CAST: variants seen among roughly 807,000 people sequenced by gnomAD.
CAST encodes the protein MIR583 host.
In CAST, 76 loss-of-function variants were observed where a neutral mutation model predicts 119.6. The ratio of observed to expected loss-of-function variants is 0.64; its 90% CI spans 0.53 to 0.77. The LOEUF (loss-of-function observed/expected upper bound fraction) is 0.77. CAST is among the 30% of genes least tolerant of loss of function. The pLI is 0.00. For synonymous variants in CAST, 319 were observed against 331.6 expected, an observed-to-expected ratio of 0.96 and a Z score of 0.41; for missense variants, 953 against 946.5, an observed-to-expected ratio of 1.01 and a Z score of -0.09.
At chr5:96,590,041 G>A (rs531848160) in intron 1 of CAST, among the ~76,000 whole-genome samples, 3 of 152,144 alleles carry the variant, frequency 2.0e-5, no homozygotes, top group African/African-American at 7.2e-5. Flanking sequence ...TTTGAAACAG[G>A]CTGTTTTATA....
the CAST span, among the ~76,000 whole-genome samples, chr5:96,171,927 C>T: frequency 2.0e-5 from 3 of 152,210 alleles, no homozygotes; most frequent in African/African-American, 4.8e-5. Flanking sequence ...TCCCCACCCC[C>T]CCACGCCCCT....
chr5:96,163,442 G>A, the CAST span, among the ~76,000 whole-genome samples: 38 of 151,878 alleles, frequency 2.5e-4, no homozygotes, highest in Non-Finnish European at 3.7e-4. Context: ...CAATTTCTTG[G>A]TATTGCAGTT....
the CAST span, among the ~76,000 whole-genome samples, chr5:95,990,442 G>A: frequency 6.6e-6 from 1 of 151,842 alleles, no homozygotes; most frequent in African/African-American, 2.4e-5. Flanking sequence ...AATAAGGTTT[G>A]TTTTTATAAT....
intron 1 of CAST, among the ~76,000 whole-genome samples, chr5:96,625,387 A>C (rs1561434104): frequency 6.6e-6 from 1 of 152,154 alleles, no homozygotes; most frequent in Non-Finnish European, 1.5e-5. Context: ...ATTGTGTCCA[A>C]AATGTTTTCT....
chr5:96,555,499 C>T (rs1464373236), intron 1 of CAST, among the ~76,000 whole-genome samples: 3 of 152,194 alleles, frequency 2.0e-5, no homozygotes, highest in African/African-American at 2.4e-5. Flanking sequence ...CGACAGACGG[C>T]ACCTAGGAAA....
At chr5:95,999,320 C>A in the CAST span, among the ~76,000 whole-genome samples, 13 of 152,052 alleles carry the variant, frequency 8.5e-5, no homozygotes, top group Non-Finnish European at 7.4e-5. Context: ...AATAGTGTCT[C>A]ATTGTATGGA....
At chr5:95,978,596 G>A in the CAST span, among the ~76,000 whole-genome samples, 8 of 152,016 alleles carry the variant, frequency 5.3e-5, no homozygotes, top group East Asian at 5.8e-4. Flanking sequence ...TCTGTTGATT[G>A]TCTGTTTACT....
At position 96,772,829 on chromosome 5, in the gene CAST, T is replaced by C. The variant is rs537295743; in HGVS notation, c.*213T>C. 40 of 153,072 alleles carry C rather than the reference T, an allele frequency of 2.6e-4. No individual in the cohort carries two copies. Among genetic ancestry groups the C allele is most frequent in the Non-Finnish European group, 4.4e-4 (30 of 68,000 alleles). The allele number at this position is 153,072 out of a possible 1,614,324, so 9.5% of individuals were successfully genotyped here. ...TTGACTGGTTCACCTGTGTACTGAG[T>C]ATTGATAAACTTTGAATTTTTTTAA... On this transcript the variant is annotated 3_prime_UTR_variant, in exon 32 of 32. Transcript: ENST00000675179.
chr5:96,414,386 G>A, the CAST span, among the ~76,000 whole-genome samples: 1 of 151,608 alleles, frequency 6.6e-6, no homozygotes, highest in Non-Finnish European at 1.5e-5. Flanking sequence ...TGGAGAGATT[G>A]AGGCCAGGAA....
the CAST span, among the ~76,000 whole-genome samples, chr5:96,203,025 C>T: frequency 1.3e-5 from 2 of 151,932 alleles, no homozygotes; most frequent in African/African-American, 4.8e-5. Flanking sequence ...CAGTTCCCAC[C>T]ATCTGTAAAT....
At chr5:96,618,535 G>C (rs1036160625) in intron 1 of CAST, among the ~76,000 whole-genome samples, 1 of 152,236 alleles carries the variant, frequency 6.6e-6, no homozygotes, top group Non-Finnish European at 1.5e-5. Flanking sequence ...TGGGAACCGG[G>C]GCTGCGCATG....
the CAST span, among the ~76,000 whole-genome samples, chr5:96,052,291 C>T: frequency 2.0e-5 from 3 of 152,174 alleles, no homozygotes; most frequent in Admixed American, 6.6e-5. Flanking sequence ...TGGGCTAGAT[C>T]GGTCAGACTC....
the CAST span, among the ~76,000 whole-genome samples, chr5:96,040,484 A>G: frequency 6.6e-6 from 1 of 152,124 alleles, no homozygotes; most frequent in Non-Finnish European, 1.5e-5. Context: ...GGTTTTGCCC[A>G]TTCAGTATGA....
intron 20 of CAST, among the ~76,000 whole-genome samples, chr5:96,750,895 T>G (rs77003242): frequency 6.6e-6 from 1 of 152,344 alleles, no homozygotes; most frequent in Non-Finnish European, 1.5e-5. Context: ...TACTCCCAAC[T>G]GTATTTTTCT....
At chr5:96,041,240 T>C in the CAST span, among the ~76,000 whole-genome samples, 3 of 152,208 alleles carry the variant, frequency 2.0e-5, no homozygotes, top group East Asian at 5.8e-4. Flanking sequence ...ATATTGACAG[T>C]ATATATTCTT....
At chr5:96,050,160 G>A in the CAST span, 6 of 152,362 alleles carry the variant, frequency 3.9e-5, no homozygotes, top group African/African-American at 7.2e-5. Context: ...GGAGTGGTAC[G>A]GCTGGAGTCC....
At chr5:96,323,821 G>A in the CAST span, among the ~76,000 whole-genome samples, 5 of 152,334 alleles carry the variant, frequency 3.3e-5, no homozygotes, top group East Asian at 9.6e-4. Context: ...CTGAAGAGAA[G>A]TGCTTCCTTC....
chr5:96,342,598 A>G, the CAST span, among the ~76,000 whole-genome samples: 3 of 152,210 alleles, frequency 2.0e-5, no homozygotes, highest in Non-Finnish European at 4.4e-5. Flanking sequence ...GTCAAAGGAC[A>G]GACCCTAATT....
intron 1 of CAST, among the ~76,000 whole-genome samples, chr5:96,581,822 C>T (rs1408249510): frequency 6.6e-6 from 1 of 152,100 alleles, no homozygotes; most frequent in Non-Finnish European, 1.5e-5. Flanking sequence ...ACCCAGGAGG[C>T]GGAGCTTGCA....
Sources: gnomAD v4.1 joint callset for allele counts (sites outside exome capture counted in the v4.1 genomes callset) on GRCh38, gnomAD v4.1.1 for gene constraint, MANE v1.5 for transcripts, NCBI Gene and HGNC (gene_info 2026-07-23, HGNC 2026-07-21) for gene names.